The following ANKFN1 variants were observed in gnomAD, a reference collection of about 807,000 sequenced individuals.
The protein encoded by ANKFN1 is ankyrin repeat and fibronectin type-III domain-containing protein 1.
A neutral mutation model predicts 108.7 loss-of-function variants in ANKFN1; 74 were observed. The observed-to-expected ratio is 0.68, with a 90% confidence interval of 0.56 to 0.83. ANKFN1 has a LOEUF of 0.83. ANKFN1 is among the 40% of genes least tolerant of loss of function. The pLI is 0.00. For synonymous variants in ANKFN1, 547 were observed against 516.2 expected, an observed-to-expected ratio of 1.06 and a Z score of -0.81; for missense variants, 1,505 against 1,382.3, an observed-to-expected ratio of 1.09 and a Z score of -1.41.
rs1235925170 is a variant in ANKFN1, at chr17:56,511,085, C to A, written c.3257C>A (p.Ser1086Tyr). The A allele has an allele frequency of 6.5e-7, 1 of 1,536,014 alleles. No individual in the cohort carries two copies. The highest frequency in any genetic ancestry group is 8.7e-7 in the Non-Finnish European group (1 of 1,146,856). ...AGCAGTCTCCAGGACGCGAGGCCTT[C>A]CGTCCGCCGCCTCTACGTGGAGCCC... ...RNSSLQDARP[S>Y]VRRLYVEPYA... The change falls in exon 21 of 21, where the codon TCC becomes TAC. Residue 1086 changes from serine to tyrosine, a missense_variant. By Grantham distance (144) the Ser-to-Tyr change is moderately radical (BLOSUM62 -2). Transcript: ENST00000682825.
At chr17:56,342,691 C>G (rs914862628) in intron 4 of ANKFN1, among the ~76,000 whole-genome samples, 1 of 151,910 alleles carries the variant, frequency 6.6e-6, no homozygotes. Context: ...TCTGCATTTA[C>G]TAAGGAGTGT....
chr17:56,410,216 C>T (rs889957793), intron 8 of ANKFN1, among the ~76,000 whole-genome samples: 2 of 152,152 alleles, frequency 1.3e-5, no homozygotes, highest in Non-Finnish European at 2.9e-5. Context: ...ACTGGGACTA[C>T]AGGCATGTGC....
chr17:56,082,416 T>C (rs556177263), intron 4 of ANKFN1, among the ~76,000 whole-genome samples: 43 of 148,854 alleles, frequency 2.9e-4, no homozygotes, highest in African/African-American at 9.3e-4. Context: ...TGCATTTTTT[T>C]CCTCAAATCC....
At chr17:56,454,731 T>C (rs2049626417) in intron 11 of ANKFN1, among the ~76,000 whole-genome samples, 1 of 152,208 alleles carries the variant, frequency 6.6e-6, no homozygotes, top group Non-Finnish European at 1.5e-5. Flanking sequence ...TAAGTTTGGA[T>C]ACCAGTGTTC....
chr17:56,488,074 A>G (rs1234916149), intron 18 of ANKFN1, among the ~76,000 whole-genome samples: 1 of 152,224 alleles, frequency 6.6e-6, no homozygotes, highest in Non-Finnish European at 1.5e-5. Flanking sequence ...ATAGGAAGCA[A>G]AGAAAAGATT....
At chr17:56,359,118 C>T (rs1391536297) in intron 6 of ANKFN1, among the ~76,000 whole-genome samples, 2 of 152,166 alleles carry the variant, frequency 1.3e-5, no homozygotes, top group Non-Finnish European at 2.9e-5. Context: ...AGTAGATGCT[C>T]AGAAAATTAC....
At chr17:56,190,510 T>C (rs1912800576) in intron 1 of ANKFN1, among the ~76,000 whole-genome samples, 1 of 144,552 alleles carries the variant, frequency 6.9e-6, no homozygotes, top group African/African-American at 2.6e-5. Context: ...AGTTTCCATG[T>C]AGTCGAGCGG....
At chr17:56,089,754 A>G (rs1241036470) in intron 4 of ANKFN1, among the ~76,000 whole-genome samples, 1 of 151,402 alleles carries the variant, frequency 6.6e-6, no homozygotes, top group Non-Finnish European at 1.5e-5. Flanking sequence ...GTGTAATGGA[A>G]GCAGCACTGT....
At chr17:56,480,842 C>T (rs746405399) in intron 17 of ANKFN1, 24 bp downstream of exon 17, 5 of 1,606,908 alleles carry the variant, frequency 3.1e-6, no homozygotes, top group Non-Finnish European at 3.4e-6. Flanking sequence ...CCATTTTTAT[C>T]TTCTTTTTTT....
At chr17:56,251,662 C>G (rs2043238747) in intron 3 of ANKFN1, among the ~76,000 whole-genome samples, 1 of 152,126 alleles carries the variant, frequency 6.6e-6, no homozygotes, top group African/African-American at 2.4e-5. Flanking sequence ...TTTTTACTTA[C>G]TTGTTTTGAT....
intron 4 of ANKFN1, among the ~76,000 whole-genome samples, chr17:56,052,360 G>T (rs896930663): frequency 6.6e-6 from 1 of 152,148 alleles, no homozygotes; most frequent in African/African-American, 2.4e-5. Context: ...CAGTGGAAGT[G>T]GTGGGGCAGT....
chr17:56,362,465 T>A (rs1043768976), intron 6 of ANKFN1, among the ~76,000 whole-genome samples: 2 of 152,214 alleles, frequency 1.3e-5, no homozygotes, highest in African/African-American at 4.8e-5. Flanking sequence ...GGTAAACTGC[T>A]TTTCAACAAA....
Position 56,478,817 on chromosome 17 carries a change from A to C in ANKFN1, c.1940+1163A>C, listed in dbSNP as rs578186593. 7.9e-5 allele frequency among the ~76,000 whole-genome samples: 12 copies of C among 152,306 alleles called. No homozygotes were observed. In the South Asian group the frequency reaches 2.5e-3, roughly 32 times the overall value. ...AGAGTATAAACTAGATTCTAGTTAC[A>C]CTCATGGATTTGCTTAGCCAAAGGA... On this transcript the variant is annotated intron_variant, in intron 16 of 20. Coordinates refer to ENST00000682825, the MANE Select transcript of ANKFN1 (RefSeq NM_001370326.1).
intron 19 of ANKFN1, among the ~76,000 whole-genome samples, chr17:56,497,958 T>C (rs1279447773): frequency 1.3e-5 from 2 of 152,246 alleles, no homozygotes; most frequent in Middle Eastern, 3.4e-3. Flanking sequence ...ATGGCCCATG[T>C]CTATCAAGAT....
At chr17:56,098,431 C>CAA (rs146192714) in intron 4 of ANKFN1, among the ~76,000 whole-genome samples, 6,002 of 148,362 alleles carry the variant, frequency 0.04, 265 homozygotes, top group East Asian at 0.12. Context: ...CACACACACA[C>CAA]ACACACACGC....
rs142904399 is a variant in ANKFN1 at position 56,228,752 on chromosome 17, G to A, written c.53+795G>A. On this transcript the variant is annotated intron_variant, in intron 3 of 20. Coordinates refer to ENST00000682825, the MANE Select transcript of ANKFN1 (RefSeq NM_001370326.1). ...AAAGTAGCTCAAAATGTAGTAAGTT[G>A]CTTGTCACTAAGCAAGTAATCAACA... 4.9e-4 allele frequency among the ~76,000 whole-genome samples: 74 copies of A among 152,146 alleles called. 1 individual carries two copies. In the East Asian group the frequency reaches 0.013, roughly 27 times the overall value.
intron 8 of ANKFN1, among the ~76,000 whole-genome samples, chr17:56,410,862 A>G (rs979716117): frequency 6.6e-6 from 1 of 152,140 alleles, no homozygotes; most frequent in Non-Finnish European, 1.5e-5. Flanking sequence ...TAGGCTTTCT[A>G]TTCTGTTCCT....
chr17:56,407,114 C>CTGTT (rs1264548941), intron 8 of ANKFN1, among the ~76,000 whole-genome samples: 3 of 152,164 alleles, frequency 2.0e-5, no homozygotes, highest in Non-Finnish European at 4.4e-5. Context: ...CTAATAGTAT[C>CTGTT]TGTTTTCAAA....
chr17:56,267,199 A>G (rs936081971), intron 3 of ANKFN1, among the ~76,000 whole-genome samples: 8 of 152,178 alleles, frequency 5.3e-5, no homozygotes, highest in African/African-American at 1.9e-4. Context: ...CTCCAGCTGC[A>G]TGTGTGTTGC....
Sources: gnomAD v4.1 joint callset for allele counts (sites outside exome capture counted in the v4.1 genomes callset) on GRCh38, gnomAD v4.1.1 for gene constraint, MANE v1.5 for transcripts, NCBI Gene and HGNC (gene_info 2026-07-23, HGNC 2026-07-21) for gene names.